EFR3A: variants seen among roughly 807,000 people sequenced by gnomAD.
EFR3A encodes EFR3 homolog A, also known as protein EFR3 homolog A.
EFR3A carries 76 observed loss-of-function variants against 104.4 expected under a neutral mutation model. That is an observed-to-expected ratio of 0.73 (90% CI 0.60 to 0.88). The LOEUF is 0.88. EFR3A is among the 40% of genes least tolerant of loss of function. The pLI is 0.00. For missense variants in EFR3A, 985 were observed against 1,012.5 expected, an observed-to-expected ratio of 0.97 and a Z score of 0.37; for synonymous variants, 330 against 330.0, an observed-to-expected ratio of 1.00 and a Z score of 0.00.
chr8:131,925,090 C>G lies in EFR3A; in HGVS notation c.11-15409C>G, dbSNP rs560025825. On this transcript the variant is annotated intron_variant, in intron 1 of 22. Transcript: ENST00000254624. Reference sequence around the variant, plus strand: ...TTAGTCTAACCTCTGGTTTCTTAGTCTTAGTTCCTTAGTCTAACCTCTGGT... The same window carrying G: ...TTAGTCTAACCTCTGGTTTCTTAGTGTTAGTTCCTTAGTCTAACCTCTGGT... Among the ~76,000 whole-genome samples, 107 of 152,160 alleles carry G rather than the reference C, an allele frequency of 7.0e-4. 1 individual carries two copies. The highest frequency in any genetic ancestry group is 2.5e-3 in the African/African-American group (105 of 41,540).
chr8:132,012,371 A>C lies in EFR3A; in HGVS notation c.*1476A>C, dbSNP rs550571083. 6.6e-6 allele frequency: 1 copy of C among 152,350 alleles called. No homozygotes were observed. The highest frequency in any genetic ancestry group is 1.9e-4 in the East Asian group (1 of 5,190). The allele number at this position is 152,350 out of a possible 1,614,324, so 9.4% of individuals were successfully genotyped here. A position where few individuals can be genotyped will look rare whatever the true frequency, so the allele number is the denominator to read the frequency against. On this transcript the variant is annotated 3_prime_UTR_variant, in exon 23 of 23. Transcript: ENST00000254624. The stretch of plus-strand genomic sequence containing the variant: ...TTTCTGAATACTTAAACAAAAGCGC[A>C]ACATCTTGAAAACCAGTCTAGTCAT...
At chr8:131,911,996 A>G (rs1816535101) in intron 1 of EFR3A, among the ~76,000 whole-genome samples, 1 of 152,212 alleles carries the variant, frequency 6.6e-6, no homozygotes, top group African/African-American at 2.4e-5. Flanking sequence ...GGTTTGGGGA[A>G]AAAGGGTTCT....
In EFR3A at chr8:131,970,530, T is replaced by C; in HGVS notation, c.1046T>C (p.Val349Ala). The C allele has an allele frequency of 1.2e-6, 2 of 1,613,906 alleles. No individual in the cohort carries two copies. Among genetic ancestry groups the C allele is most frequent in the Non-Finnish European group, 1.7e-6 (2 of 1,179,832 alleles). The change falls in exon 10 of 23, where the codon GTT (valine) becomes GCT (alanine). Residue 349 changes from valine (V) to alanine (A), a missense_variant. Physicochemically the swap from Val to Ala is moderately conservative, Grantham distance 64. Coordinates refer to ENST00000254624, the MANE Select transcript of EFR3A (RefSeq NM_015137.6). ...NTLLKHLRLS[V>A]EFEANDLQGG... ...CTTTTGAAACATCTGCGTCTCAGCG[T>C]TGAATTCGAAGCAAATGATTTACAG...
At position 131,955,896 on chromosome 8, in the gene EFR3A, C is replaced by A; in HGVS notation, c.767C>A (p.Pro256Gln). 1 of 1,612,542 alleles carries A rather than the reference C, an allele frequency of 6.2e-7. No homozygotes were observed. The highest frequency in any genetic ancestry group is 1.1e-5 in the South Asian group (1 of 90,854). ...TFGNMNNAVR[P>Q]VFAHLDHHKL... ...GGGAATATGAATAATGCTGTTAGAC[C>A]AGTTTTTGCGTAAGTAGTTGGTGTT... The change falls in exon 7 of 23, where the codon CCA becomes CAA. Residue 256 changes from proline to glutamine, a missense_variant. Coordinates refer to ENST00000254624, the MANE Select transcript of EFR3A (RefSeq NM_015137.6).
At chr8:131,945,555 T>G (rs1818395632) in intron 3 of EFR3A, among the ~76,000 whole-genome samples, 1 of 152,106 alleles carries the variant, frequency 6.6e-6, no homozygotes, top group South Asian at 2.1e-4. Flanking sequence ...TAGAACATTT[T>G]AGTAAGTGAT....
At chr8:131,930,186 T>G (rs746824536) in intron 1 of EFR3A, among the ~76,000 whole-genome samples, 8 of 152,118 alleles carry the variant, frequency 5.3e-5, no homozygotes, top group Admixed American at 1.3e-4. Context: ...CAAATAGATA[T>G]TGAGCTCTTA....
rs866368746 is a variant in EFR3A at position 131,956,369 on chromosome 8, G to A, written c.776+464G>A. 2.2e-4 allele frequency among the ~76,000 whole-genome samples: 33 copies of A among 152,092 alleles called. 1 individual carries two copies. Among genetic ancestry groups the A allele is most frequent in the African/African-American group, 8.0e-4 (33 of 41,418 alleles). Reference sequence around the variant, plus strand: ...ATCTTTTACATAGTGATTAATCAGAGCAAGAATATTAAATATCTTGTTGGT... The same window carrying A: ...ATCTTTTACATAGTGATTAATCAGAACAAGAATATTAAATATCTTGTTGGT... On this transcript the variant is annotated intron_variant, in intron 7 of 22. Transcript: ENST00000254624.
chr8:131,970,646 G>T lies in EFR3A; in HGVS notation c.1159+3G>T, dbSNP rs758512273. On this transcript the variant is annotated splice_donor_region_variant and intron_variant, in intron 10 of 22. Coordinates refer to ENST00000254624, the MANE Select transcript of EFR3A (RefSeq NM_015137.6). ...GAATGCTATCATCCAAACAATAGGT[G>T]AGTACATTTCACTTTTCAAAACTAT... is the stretch of plus-strand genomic sequence containing the variant. The T allele has an allele frequency of 6.2e-7, 1 of 1,610,634 alleles. No individual in the cohort carries two copies.
intron 1 of EFR3A, among the ~76,000 whole-genome samples, chr8:131,908,796 A>G (rs1816375939): frequency 6.6e-6 from 1 of 152,188 alleles, no homozygotes; most frequent in African/African-American, 2.4e-5. Context: ...TGGTTATATA[A>G]TAGGTGCTTG....
intron 1 of EFR3A, among the ~76,000 whole-genome samples, chr8:131,917,867 T>C (rs1816820356): frequency 6.6e-6 from 1 of 152,190 alleles, no homozygotes. Context: ...TAGGGTAGCA[T>C]CAGATTTTGG....
At chr8:131,948,426 G>A (rs143261920) in intron 4 of EFR3A, among the ~76,000 whole-genome samples, 8 of 152,144 alleles carry the variant, frequency 5.3e-5, no homozygotes, top group Non-Finnish European at 1.0e-4. Context: ...ATTACTGGTA[G>A]TAAGAGCGTT....
chr8:131,996,543 C>A (rs200360166), intron 19 of EFR3A, 46 bp downstream of exon 19: 1 of 1,299,012 alleles, frequency 7.7e-7, no homozygotes, highest in Non-Finnish European at 1.0e-6. Context: ...TGGTAGACAT[C>A]ATTTAAAAGA....
intron 1 of EFR3A, among the ~76,000 whole-genome samples, chr8:131,922,970 A>G (rs1817121611): frequency 6.6e-6 from 1 of 152,168 alleles, no homozygotes; most frequent in Admixed American, 6.5e-5. Context: ...CTGAATGCTT[A>G]TTACTAATAA....
intron 16 of EFR3A, 75 bp from the exon 17 acceptor site, chr8:131,986,119 G>C: frequency 3.1e-6 from 2 of 651,472 alleles, no homozygotes; most frequent in Non-Finnish European, 5.1e-6. Context: ...TTTTTAAGCT[G>C]TTTTCTGAAT....
intron 8 of EFR3A, 110 bp from the exon 9 acceptor site, chr8:131,968,185 C>T: frequency 2.0e-6 from 2 of 982,608 alleles, no homozygotes; most frequent in Non-Finnish European, 3.0e-6. Flanking sequence ...ATAACATGAC[C>T]ACCAGTCACT....
chr8:132,003,251 G>C lies in EFR3A; in HGVS notation c.2326G>C (p.Asp776His), dbSNP rs1360846687. The C allele has an allele frequency of 6.2e-7, 1 of 1,612,482 alleles. No individual in the cohort carries two copies. The highest frequency in any genetic ancestry group is 8.5e-7 in the Non-Finnish European group (1 of 1,179,218). ...QCESKANLLH[D>H]RLAQILELTI... ...TTTTTTGCAGGCAAATTTGCTTCATGATAGACTTGCCCAAATATTGGAACT... is the reference window on the plus strand; with the variant it reads ...TTTTTTGCAGGCAAATTTGCTTCATCATAGACTTGCCCAAATATTGGAACT... Residue 776 changes from aspartate to histidine, a missense_variant, in exon 22 of 23, where the codon GAT (aspartate) becomes CAT (histidine). Transcript: ENST00000254624.
Position 131,979,270 on chromosome 8 carries a change from T to C in EFR3A, c.1500-76T>C, listed in dbSNP as rs1241036365. 21 of 1,211,404 alleles carry C rather than the reference T, an allele frequency of 1.7e-5. No homozygotes were observed. The East Asian group carries it at 3.3e-4, about 19-fold the overall frequency. The allele number at this position is 1,211,404 out of a possible 1,614,324, so 75.0% of individuals were successfully genotyped here. A position where few individuals can be genotyped will look rare whatever the true frequency, so the allele number is the denominator to read the frequency against. On this transcript the variant is annotated intron_variant, in intron 13 of 22. Transcript: ENST00000254624. Reference sequence around the variant, plus strand: ...GGCTTATCAAACTCCTAAGTATAAATACAATTTTCCATATAAGATGTGATA... The same window carrying C: ...GGCTTATCAAACTCCTAAGTATAAACACAATTTTCCATATAAGATGTGATA...
In EFR3A at chr8:131,968,302, A is replaced by G. The variant is rs532551896; in HGVS notation, c.863A>G (p.Tyr288Cys). 2 of 1,613,240 alleles carry G rather than the reference A, an allele frequency of 1.2e-6. No individual in the cohort carries two copies. The highest frequency in any genetic ancestry group is 2.2e-5 in the East Asian group (1 of 44,852). Residue 288 changes from tyrosine to cysteine, a missense_variant, in exon 9 of 23, where the codon TAT becomes TGT. Transcript: ENST00000254624. ...CTGTTTTGTCTCCTTCAGGCTCAGTATTCTCACCATGTGATCCAGGAGATT... is the reference window on the plus strand; with the variant it reads ...CTGTTTTGTCTCCTTCAGGCTCAGTGTTCTCACCATGTGATCCAGGAGATT... The part of the protein sequence containing the change: ...KIIMYSIQAQ[Y>C]SHHVIQEILG...
At chr8:131,914,194 C>T (rs1254684063) in intron 1 of EFR3A, among the ~76,000 whole-genome samples, 1 of 152,204 alleles carries the variant, frequency 6.6e-6, no homozygotes, top group South Asian at 2.1e-4. Flanking sequence ...CTCTAAGTCC[C>T]TATGGCTTCT....
Sources: gnomAD v4.1 joint callset for allele counts (sites outside exome capture counted in the v4.1 genomes callset) on GRCh38, gnomAD v4.1.1 for gene constraint, MANE v1.5 for transcripts, NCBI Gene and HGNC (gene_info 2026-07-23, HGNC 2026-07-21) for gene names.